The following PTPRD variants were observed in gnomAD, a reference collection of about 807,000 sequenced individuals.
PTPRD encodes the protein receptor-type tyrosine-protein phosphatase delta.
A neutral mutation model predicts 214.5 loss-of-function variants in PTPRD; 34 were observed. The ratio of observed to expected loss-of-function variants is 0.16; its 90% CI spans 0.12 to 0.21. PTPRD has a LOEUF of 0.21. Ranked by LOEUF, PTPRD falls within the 10% of genes least tolerant of loss-of-function variation. PTPRD has a pLI of 1.00. For missense variants in PTPRD, 2,545 were observed against 2,398.7 expected (o/e 1.06, Z -1.27); for synonymous variants, 1,128 against 845.7 (o/e 1.33, Z -5.79).
intron 8 of PTPRD, among the ~76,000 whole-genome samples, chr9:9,515,975 A>G (rs1371779990): frequency 4.6e-5 from 7 of 152,126 alleles, no homozygotes; most frequent in Admixed American, 4.6e-4. Context: ...CAAATTTCAG[A>G]TTATTATGTG....
intron 2 of PTPRD, among the ~76,000 whole-genome samples, chr9:10,463,256 G>A (rs542295038): frequency 7.9e-5 from 12 of 152,040 alleles, no homozygotes; most frequent in South Asian, 2.1e-4. Context: ...CAATTTTAAC[G>A]AGCATTTATT....
At chr9:8,978,440 A>C (rs2154338446) in intron 11 of PTPRD, among the ~76,000 whole-genome samples, 1 of 152,194 alleles carries the variant, frequency 6.6e-6, no homozygotes, top group African/African-American at 2.4e-5. Flanking sequence ...CCACGGAATG[A>C]ACTATTGGGA....
intron 2 of PTPRD, among the ~76,000 whole-genome samples, chr9:10,351,623 G>A (rs1460535939): frequency 1.3e-5 from 2 of 151,052 alleles, no homozygotes; most frequent in African/African-American, 4.9e-5. Flanking sequence ...AAATAATACT[G>A]GGCAATCAGA....
intron 3 of PTPRD, among the ~76,000 whole-genome samples, chr9:10,058,880 T>A (rs1589943198): frequency 6.6e-6 from 1 of 152,120 alleles, no homozygotes; most frequent in East Asian, 1.9e-4. Flanking sequence ...TTTCTATCGT[T>A]TGAAATAAAA....
At chr9:8,758,706 C>G (rs1812232944) in intron 11 of PTPRD, among the ~76,000 whole-genome samples, 2 of 151,318 alleles carry the variant, frequency 1.3e-5, no homozygotes, top group Non-Finnish European at 1.5e-5. Flanking sequence ...TATGCTACAA[C>G]AAGACAAACA....
At chr9:9,283,234 T>C (rs1320489044) in intron 9 of PTPRD, among the ~76,000 whole-genome samples, 1 of 151,528 alleles carries the variant, frequency 6.6e-6, no homozygotes, top group South Asian at 2.1e-4. Context: ...CTGTTAAGGT[T>C]ATGCTAATTT....
intron 41 of PTPRD, 33 bp from the exon 42 acceptor site, chr9:8,340,502 A>C: frequency 6.6e-7 from 1 of 1,521,052 alleles, no homozygotes; most frequent in Non-Finnish European, 9.0e-7. Context: ...AATGTGTTAA[A>C]GTATTTAGAG....
intron 2 of PTPRD, among the ~76,000 whole-genome samples, chr9:10,366,950 T>C (rs1172181505): frequency 6.6e-6 from 1 of 152,138 alleles, no homozygotes; most frequent in Non-Finnish European, 1.5e-5. Context: ...TTTCTTGGCT[T>C]TATTTCATGA....
At chr9:9,987,009 G>A (rs545289630) in intron 4 of PTPRD, among the ~76,000 whole-genome samples, 1 of 152,196 alleles carries the variant, frequency 6.6e-6, no homozygotes, top group Non-Finnish European at 1.5e-5. Flanking sequence ...AGATGTGAGA[G>A]TAATTCAGGA....
At chr9:9,820,638 T>C (rs1163684035) in intron 5 of PTPRD, among the ~76,000 whole-genome samples, 1 of 152,256 alleles carries the variant, frequency 6.6e-6, no homozygotes, top group East Asian at 1.9e-4. Context: ...AAATCTTTAA[T>C]CCATCTTGAG....
At chr9:10,518,684 C>G (rs907405026) in intron 2 of PTPRD, among the ~76,000 whole-genome samples, 5 of 152,002 alleles carry the variant, frequency 3.3e-5, no homozygotes, top group East Asian at 3.9e-4. Flanking sequence ...AGGCGCCCGC[C>G]ACCACACCCG....
chr9:9,224,298 T>C (rs2099958045), intron 9 of PTPRD, among the ~76,000 whole-genome samples: 1 of 152,008 alleles, frequency 6.6e-6, no homozygotes, highest in Non-Finnish European at 1.5e-5. Flanking sequence ...GTTTGCTGGA[T>C]ATTATGTGTA....
At chr9:8,565,253 C>G (rs2088503434) in intron 14 of PTPRD, among the ~76,000 whole-genome samples, 1 of 152,192 alleles carries the variant, frequency 6.6e-6, no homozygotes. Flanking sequence ...TATGACAACT[C>G]TTCGCACAAT....
intron 8 of PTPRD, among the ~76,000 whole-genome samples, chr9:9,406,838 T>C (rs1005266529): frequency 2.7e-5 from 2 of 74,398 alleles, no homozygotes; most frequent in Admixed American, 1.6e-4. Context: ...TATGAACTCT[T>C]TCTTCTTTCT....
chr9:9,672,309 G>A (rs1237053325), intron 7 of PTPRD, among the ~76,000 whole-genome samples: 1 of 151,672 alleles, frequency 6.6e-6, no homozygotes, highest in African/African-American at 2.4e-5. Flanking sequence ...TTTATGATGG[G>A]CAAAAAATAA....
chr9:10,573,002 A>G (rs1415374106), intron 2 of PTPRD, among the ~76,000 whole-genome samples: 5 of 152,160 alleles, frequency 3.3e-5, no homozygotes, highest in Admixed American at 2.0e-4. Flanking sequence ...AAGAACCACT[A>G]TTGGATTTCC....
At chr9:8,606,398 A>T (rs1320560775) in intron 14 of PTPRD, among the ~76,000 whole-genome samples, 5 of 152,214 alleles carry the variant, frequency 3.3e-5, no homozygotes. Context: ...TGTGAATAGC[A>T]TCTTACAGGG....
At chr9:8,797,875 T>C (rs2154515770) in intron 11 of PTPRD, among the ~76,000 whole-genome samples, 1 of 152,064 alleles carries the variant, frequency 6.6e-6, no homozygotes, top group East Asian at 1.9e-4. Context: ...CAGAATTTTT[T>C]TTTTTTTTCA....
At chr9:9,267,117 C>T (rs1214242199) in intron 9 of PTPRD, among the ~76,000 whole-genome samples, 1 of 151,090 alleles carries the variant, frequency 6.6e-6, no homozygotes, top group Non-Finnish European at 1.5e-5. Flanking sequence ...GATCACCACG[C>T]ATTATATGTA....
Sources: gnomAD v4.1 joint callset for allele counts (sites outside exome capture counted in the v4.1 genomes callset) on GRCh38, gnomAD v4.1.1 for gene constraint, MANE v1.5 for transcripts, NCBI Gene and HGNC (gene_info 2026-07-23, HGNC 2026-07-21) for gene names.